Variants in NLGN1 observed in about 807,000 individuals in gnomAD.
NLGN1 encodes the protein neuroligin 1.
NLGN1 carries 12 observed loss-of-function variants against 65.5 expected under a neutral mutation model. That is an observed-to-expected ratio of 0.18 (90% CI 0.12 to 0.30). The LOEUF (loss-of-function observed/expected upper bound fraction) is 0.30, where lower values mean the gene tolerates loss of function less well. Ranked by LOEUF, NLGN1 falls within the 10% of genes least tolerant of loss-of-function variation. The pLI, the probability that NLGN1 is intolerant of heterozygous loss-of-function variation, is 1.00. For synonymous variants in NLGN1, 350 were observed against 359.5 expected (o/e 0.97, Z 0.30); for missense variants, 750 against 1,007.1 (o/e 0.74, Z 3.46).
At chr3:173,720,146 A>T (rs922090238) in intron 3 of NLGN1, among the ~76,000 whole-genome samples, 58 of 152,112 alleles carry the variant, frequency 3.8e-4, no homozygotes, top group Non-Finnish European at 6.6e-4. Context: ...AGAATTTTTT[A>T]AAAAATGCTG....
chr3:174,294,063 A>T, the NLGN1 span, among the ~76,000 whole-genome samples: 4 of 151,880 alleles, frequency 2.6e-5, no homozygotes, highest in African/African-American at 9.6e-5. Flanking sequence ...AATTGATTTA[A>T]AAAGATGTTA....
At chr3:173,799,140 A>G (rs187628462) in intron 3 of NLGN1, among the ~76,000 whole-genome samples, 154 of 151,756 alleles carry the variant, frequency 1.0e-3, no homozygotes, top group Middle Eastern at 6.8e-3. Flanking sequence ...TTTGACTGTT[A>G]TTTTATGCAT....
At chr3:173,787,759 A>G (rs1711543890) in intron 3 of NLGN1, among the ~76,000 whole-genome samples, 2 of 152,208 alleles carry the variant, frequency 1.3e-5, no homozygotes, top group South Asian at 2.1e-4. Context: ...CCCAAACACA[A>G]TTAGTACACA....
intron 3 of NLGN1, among the ~76,000 whole-genome samples, chr3:173,764,701 G>T (rs1778492230): frequency 6.6e-6 from 1 of 152,056 alleles, no homozygotes; most frequent in South Asian, 2.1e-4. Context: ...TCATTAAATG[G>T]GTAGTAGAAT....
chr3:173,769,073 C>T (rs927158410), intron 3 of NLGN1, among the ~76,000 whole-genome samples: 16 of 152,084 alleles, frequency 1.1e-4, no homozygotes, highest in Admixed American at 3.9e-4. Context: ...ACATTTTAAC[C>T]GACCTAGATT....
At chr3:174,123,709 G>A (rs988043121) in intron 4 of NLGN1, among the ~76,000 whole-genome samples, 1 of 151,996 alleles carries the variant, frequency 6.6e-6, no homozygotes, top group Admixed American at 6.6e-5. Flanking sequence ...TCTGCCTATA[G>A]GTGCCATATT....
intron 2 of NLGN1, among the ~76,000 whole-genome samples, chr3:173,570,933 A>G (rs1471656057): frequency 6.6e-6 from 1 of 151,940 alleles, no homozygotes; most frequent in Non-Finnish European, 1.5e-5. Flanking sequence ...CGAACTGCTG[A>G]CCTCGTGATC....
chr3:174,011,995 A>G (rs1269754167), intron 4 of NLGN1, among the ~76,000 whole-genome samples: 5 of 152,202 alleles, frequency 3.3e-5, no homozygotes, highest in African/African-American at 7.2e-5. Flanking sequence ...ATTTTGATAG[A>G]TGAAAGACCA....
intron 3 of NLGN1, among the ~76,000 whole-genome samples, chr3:173,688,994 T>C (rs1208350533): frequency 1.3e-5 from 2 of 152,170 alleles, no homozygotes; most frequent in Non-Finnish European, 2.9e-5. Flanking sequence ...GGTGTACTAA[T>C]AATTTATGGC....
At chr3:173,538,424 A>G (rs1318308598) in intron 2 of NLGN1, among the ~76,000 whole-genome samples, 1 of 152,238 alleles carries the variant, frequency 6.6e-6, no homozygotes, top group African/African-American at 2.4e-5. Flanking sequence ...GCTGTATGGA[A>G]TATCATAACA....
At chr3:174,152,420 C>T (rs1449019376) in intron 4 of NLGN1, among the ~76,000 whole-genome samples, 1 of 152,042 alleles carries the variant, frequency 6.6e-6, no homozygotes, top group African/African-American at 2.4e-5. Flanking sequence ...ACCGCATGTT[C>T]TCACTCATAG....
intron 4 of NLGN1, among the ~76,000 whole-genome samples, chr3:173,927,263 C>T (rs1227282916): frequency 6.6e-6 from 1 of 152,128 alleles, no homozygotes; most frequent in Non-Finnish European, 1.5e-5. Context: ...GGGGTTTCAC[C>T]ATGTTGGTCA....
chr3:174,001,751 G>A (rs1287235688), intron 4 of NLGN1, among the ~76,000 whole-genome samples: 15 of 152,156 alleles, frequency 9.9e-5, no homozygotes, highest in Admixed American at 9.8e-4. Context: ...TTAATATGAT[G>A]ATGGTGGTGG....
intron 3 of NLGN1, chr3:173,800,406 C>A: frequency 1.7e-6 from 1 of 594,492 alleles, no homozygotes; most frequent in Non-Finnish European, 2.5e-6. Flanking sequence ...TCACTTTTTC[C>A]ACCCCTTTCT....
intron 3 of NLGN1, among the ~76,000 whole-genome samples, chr3:173,632,861 T>G (rs1004839964): frequency 1.1e-4 from 17 of 150,886 alleles, no homozygotes; most frequent in African/African-American, 2.7e-4. Context: ...TTTTTTTTTT[T>G]TTTTTTAATA....
chr3:173,999,403 T>A lies in NLGN1; in HGVS notation c.646+191571T>A, dbSNP rs150172279. On this transcript the variant is annotated intron_variant, in intron 4 of 6. Coordinates refer to ENST00000457714, the Ensembl canonical transcript of NLGN1. ...ACTGAATTTCATTTGAAGTACTTGG[T>A]CATAAATAACATTAGAGGAGTTCTA... 9.0e-4 allele frequency among the ~76,000 whole-genome samples: 137 copies of A among 152,260 alleles called. 1 individual carries two copies. In the East Asian group the frequency reaches 0.023, roughly 26 times the overall value.
At chr3:173,861,462 A>G (rs1210245100) in intron 4 of NLGN1, among the ~76,000 whole-genome samples, 1 of 151,488 alleles carries the variant, frequency 6.6e-6, no homozygotes, top group Non-Finnish European at 1.5e-5. Flanking sequence ...CTTACTTTTC[A>G]TACTGATAAG....
intron 4 of NLGN1, among the ~76,000 whole-genome samples, chr3:174,185,749 G>C (rs1453304380): frequency 1.3e-5 from 2 of 151,592 alleles, no homozygotes; most frequent in Middle Eastern, 3.2e-3. Flanking sequence ...AGTGTGATTT[G>C]AATGTAGTCT....
intron 4 of NLGN1, among the ~76,000 whole-genome samples, chr3:173,949,652 T>C (rs1747831011): frequency 6.6e-6 from 1 of 152,080 alleles, no homozygotes; most frequent in South Asian, 2.1e-4. Flanking sequence ...AAACATTCAG[T>C]TTGAAAATAC....
Sources: allele counts gnomAD v4.1 joint callset (sites outside exome capture counted in the v4.1 genomes callset), GRCh38; gene constraint gnomAD v4.1.1; transcripts MANE v1.5; gene names NCBI Gene and HGNC (gene_info 2026-07-23, HGNC 2026-07-21).